The following KANSL1L variants were observed in gnomAD, a reference collection of about 807,000 sequenced individuals.
KANSL1L encodes the protein KAT8 regulatory NSL complex subunit 1-like protein.
Under a neutral mutation model 108.6 loss-of-function variants are expected in KANSL1L, and 25 were observed. The observed-to-expected ratio is 0.23, with a 90% CI of 0.17 to 0.32. KANSL1L has a LOEUF of 0.32. Among genes scored for constraint, KANSL1L ranks in the 10% least tolerant of loss-of-function variants. The pLI, the probability that KANSL1L is intolerant of heterozygous loss-of-function variation, is 1.00. For missense variants in KANSL1L, 1,137 were observed against 1,125.7 expected (o/e 1.01, Z -0.14); for synonymous variants, 405 against 395.1 (o/e 1.03, Z -0.30).
intron 2 of KANSL1L, among the ~76,000 whole-genome samples, chr2:210,141,023 C>G (rs1256142456): frequency 6.6e-6 from 1 of 152,006 alleles, no homozygotes; most frequent in Non-Finnish European, 1.5e-5. Flanking sequence ...GGTCTTTACA[C>G]TTTTCTTATC....
chr2:210,057,239 T>C (rs1181259892), intron 6 of KANSL1L, among the ~76,000 whole-genome samples: 1 of 152,056 alleles, frequency 6.6e-6, no homozygotes, highest in Non-Finnish European at 1.5e-5. Flanking sequence ...CCATCTCTAC[T>C]AAAAATACAA....
intron 4 of KANSL1L, among the ~76,000 whole-genome samples, chr2:210,103,376 G>A (rs770206348): frequency 1.3e-5 from 2 of 152,232 alleles, no homozygotes; most frequent in Admixed American, 6.5e-5. Context: ...TGTAAATGAC[G>A]AGTTAATGGG....
At chr2:210,142,639 C>A (rs754998473) in intron 2 of KANSL1L, among the ~76,000 whole-genome samples, 2 of 152,086 alleles carry the variant, frequency 1.3e-5, no homozygotes, top group African/African-American at 4.8e-5. Flanking sequence ...CCTTTTGCTG[C>A]ACCCCATAGT....
In KANSL1L at chr2:210,022,866, T is replaced by A; in HGVS notation, c.*83A>T. On this transcript the variant is annotated 3_prime_UTR_variant, in exon 15 of 15. Transcript: ENST00000281772. Reference sequence around the variant, plus strand: ...ATACATGCAGAACATGCTCTTATTCTGGAGGGGATGGGGGATCCAGAACAG... The same window carrying A: ...ATACATGCAGAACATGCTCTTATTCAGGAGGGGATGGGGGATCCAGAACAG... 1 of 889,300 alleles carries A rather than the reference T, an allele frequency of 1.1e-6. No homozygotes were observed. The highest frequency in any genetic ancestry group is 1.8e-6 in the Non-Finnish European group (1 of 553,252). 55.1% of individuals were successfully genotyped at this position (889,300 alleles called of 1,614,324 possible).
intron 3 of KANSL1L, among the ~76,000 whole-genome samples, chr2:210,114,432 A>C (rs1559568527): frequency 6.6e-6 from 1 of 152,212 alleles, no homozygotes; most frequent in Non-Finnish European, 1.5e-5. Flanking sequence ...AGAGTCATTT[A>C]CCAGTAGACC....
chr2:210,051,087 T>C (rs1289416069), intron 6 of KANSL1L, among the ~76,000 whole-genome samples: 3 of 152,164 alleles, frequency 2.0e-5, no homozygotes, highest in Non-Finnish European at 4.4e-5. Flanking sequence ...GGAGGATCAC[T>C]TGAGCCTTTA....
chr2:210,162,547 C>T (rs116298784), intron 1 of KANSL1L, among the ~76,000 whole-genome samples: 2,563 of 151,976 alleles, frequency 0.017, 78 homozygotes, highest in African/African-American at 0.059. Flanking sequence ...AGCAAGAATT[C>T]ATAATTAGAG....
chr2:210,061,390 A>G (rs542218012), intron 6 of KANSL1L, among the ~76,000 whole-genome samples: 2 of 152,310 alleles, frequency 1.3e-5, no homozygotes, highest in African/African-American at 4.8e-5. Flanking sequence ...TGAGACATCA[A>G]TAGTATAGGG....
At chr2:210,037,474 A>G (rs550230260) in intron 8 of KANSL1L, among the ~76,000 whole-genome samples, 47 of 152,262 alleles carry the variant, frequency 3.1e-4, no homozygotes, top group Admixed American at 2.4e-3. Flanking sequence ...CATAATACTT[A>G]TATTTTTCTG....
At chr2:210,079,541 A>G (rs2094566086) in intron 5 of KANSL1L, among the ~76,000 whole-genome samples, 1 of 146,636 alleles carries the variant, frequency 6.8e-6, no homozygotes, top group African/African-American at 2.5e-5. Context: ...GGTTGCAGTG[A>G]GCTGAGATTG....
intron 6 of KANSL1L, among the ~76,000 whole-genome samples, chr2:210,062,261 C>CA (rs1294375002): frequency 6.6e-6 from 1 of 152,184 alleles, no homozygotes; most frequent in Non-Finnish European, 1.5e-5. Context: ...TGTCTGCTGC[C>CA]ATGTGAGACG....
At chr2:210,055,429 T>G (rs1210946263) in intron 6 of KANSL1L, among the ~76,000 whole-genome samples, 1 of 152,136 alleles carries the variant, frequency 6.6e-6, no homozygotes, top group Non-Finnish European at 1.5e-5. Flanking sequence ...TGGAACTGGG[T>G]AACAGGAAGA....
Position 210,022,093 on chromosome 2 carries a change from A to T in KANSL1L, c.*856T>A, listed in dbSNP as rs762551343. The T allele has an allele frequency of 6.6e-6, 1 of 151,280 alleles. No homozygotes were observed. Among genetic ancestry groups the T allele is most frequent in the African/African-American group, 2.4e-5 (1 of 41,096 alleles). The allele number at this position is 151,280 out of a possible 1,614,324, so 9.4% of individuals were successfully genotyped here. On this transcript the variant is annotated 3_prime_UTR_variant, in exon 15 of 15. Coordinates refer to ENST00000281772, the MANE Select transcript of KANSL1L (RefSeq NM_152519.4). The stretch of plus-strand genomic sequence containing the variant: ...GTGTCTTCTCTTCATGAGACACATT[A>T]ATTGGTAAAACTCAAATTGAGTTTT...
At chr2:210,040,385 G>A (rs369489677) in intron 8 of KANSL1L, 35 bp downstream of exon 8, 7 of 929,872 alleles carry the variant, frequency 7.5e-6, no homozygotes, top group Non-Finnish European at 1.2e-5. Context: ...ACATAAAAAG[G>A]CATATAGAGT....
At chr2:210,025,977 CCATTGTGGAGTACATA>C (rs1443786666) in intron 12 of KANSL1L, among the ~76,000 whole-genome samples, 2 of 152,220 alleles carry the variant, frequency 1.3e-5, no homozygotes, top group African/African-American at 4.8e-5. Context: ...TATGGATCGT[CCATTGTGGAGTACATA>C]CTATTCTAAG....
At chr2:210,138,864 T>A (rs962985780) in intron 2 of KANSL1L, among the ~76,000 whole-genome samples, 10 of 152,174 alleles carry the variant, frequency 6.6e-5, no homozygotes, top group Middle Eastern at 3.4e-3. Flanking sequence ...TTTGGGAGGC[T>A]GAGGCAGATG....
chr2:210,129,708 T>C (rs962975834), intron 2 of KANSL1L, among the ~76,000 whole-genome samples: 14 of 152,180 alleles, frequency 9.2e-5, no homozygotes, highest in Non-Finnish European at 1.9e-4. Context: ...TTATAAAAAA[T>C]ATAAATGCTC....
chr2:210,097,371 C>T (rs1304126115), intron 5 of KANSL1L: 9 of 783,104 alleles, frequency 1.1e-5, no homozygotes, highest in Non-Finnish European at 1.4e-5. Context: ...ACACTTAGTT[C>T]TCTATGGTAA....
chr2:210,060,018 C>T (rs2094402537), intron 6 of KANSL1L, among the ~76,000 whole-genome samples: 1 of 152,210 alleles, frequency 6.6e-6, no homozygotes, highest in African/African-American at 2.4e-5. Flanking sequence ...GCTAGGATTA[C>T]AGGCGTGAGC....
Sources: gnomAD v4.1 joint callset for allele counts (sites outside exome capture counted in the v4.1 genomes callset) on GRCh38, gnomAD v4.1.1 for gene constraint, MANE v1.5 for transcripts, NCBI Gene and HGNC (gene_info 2026-07-23, HGNC 2026-07-21) for gene names.